MAPK10: variants seen among roughly 807,000 people sequenced by gnomAD.
The protein encoded by MAPK10 is JNK3 alpha protein kinase.
Under a neutral mutation model 59.3 loss-of-function variants are expected in MAPK10, and 25 were observed. That is an observed-to-expected ratio of 0.42 (90% CI 0.31 to 0.59). The LOEUF (loss-of-function observed/expected upper bound fraction) is 0.59, where lower values mean the gene tolerates loss of function less well. Among genes scored for constraint, MAPK10 ranks in the 20% least tolerant of loss-of-function variants. The probability of loss-of-function intolerance (pLI) is 0.15; values close to 1 mark genes in which losing one functional copy is unlikely to be tolerated. For synonymous variants in MAPK10, 190 were observed against 200.5 expected (o/e 0.95, Z 0.44); for missense variants, 351 against 568.9 (o/e 0.62, Z 3.90).
At chr4:86,097,391 T>C (rs545269482) in intron 9 of MAPK10, among the ~76,000 whole-genome samples, 266 of 152,124 alleles carry the variant, frequency 1.7e-3, no homozygotes, top group Non-Finnish European at 3.1e-3. Context: ...AGTCAGGTTT[T>C]TTTGTTTTTG....
chr4:86,186,884 T>C (rs2078362233), intron 3 of MAPK10, among the ~76,000 whole-genome samples: 1 of 152,200 alleles, frequency 6.6e-6, no homozygotes, highest in South Asian at 2.1e-4. Context: ...AGAAGTCAAC[T>C]CTTATCTAGT....
chr4:86,386,692 T>C (rs1474937966), intron 1 of MAPK10, among the ~76,000 whole-genome samples: 1 of 152,174 alleles, frequency 6.6e-6, no homozygotes, highest in Admixed American at 6.5e-5. Context: ...TCTCTGTAAA[T>C]GCTTAGCAAA....
At chr4:86,407,393 A>G (rs1744491477) in intron 1 of MAPK10, among the ~76,000 whole-genome samples, 1 of 152,200 alleles carries the variant, frequency 6.6e-6, no homozygotes, top group African/African-American at 2.4e-5. Flanking sequence ...GCATTTCTCC[A>G]TACTTACAGG....
chr4:86,490,385 T>C (rs1754366480), intron 1 of MAPK10, among the ~76,000 whole-genome samples: 1 of 152,348 alleles, frequency 6.6e-6, no homozygotes, highest in African/African-American at 2.4e-5. Context: ...GAGGGCATCC[T>C]GGTTGACTCT....
chr4:86,539,222 G>C (rs1171403729), intron 1 of MAPK10, among the ~76,000 whole-genome samples: 1 of 152,096 alleles, frequency 6.6e-6, no homozygotes, highest in African/African-American at 2.4e-5. Flanking sequence ...CTCCTACAGA[G>C]GAAGGAAGAG....
chr4:86,159,525 A>C, intron 3 of MAPK10, 58 bp from the exon 4 acceptor site: 2 of 1,416,784 alleles, frequency 1.4e-6, no homozygotes, highest in Non-Finnish European at 2.0e-6. Context: ...AATGATAATG[A>C]GATGTACAGA....
chr4:86,139,808 T>G (rs1448376711), intron 4 of MAPK10, among the ~76,000 whole-genome samples: 1 of 150,624 alleles, frequency 6.6e-6, no homozygotes, highest in Non-Finnish European at 1.5e-5. Flanking sequence ...ATATCCAGAA[T>G]CTACAATGAA....
intron 1 of MAPK10, among the ~76,000 whole-genome samples, chr4:86,412,324 C>T (rs535241562): frequency 1.3e-5 from 2 of 152,252 alleles, no homozygotes; most frequent in African/African-American, 4.8e-5. Flanking sequence ...TCTCTGGCTG[C>T]CCTTTACATT....
chr4:86,144,936 T>G (rs1359803595), intron 4 of MAPK10, among the ~76,000 whole-genome samples: 1 of 152,134 alleles, frequency 6.6e-6, no homozygotes, highest in Non-Finnish European at 1.5e-5. Flanking sequence ...TTGCACACTA[T>G]GGACACAGTA....
At chr4:86,261,933 T>C (rs987366757) in intron 2 of MAPK10, among the ~76,000 whole-genome samples, 1 of 152,256 alleles carries the variant, frequency 6.6e-6, no homozygotes, top group Non-Finnish European at 1.5e-5. Flanking sequence ...ATAACTGACA[T>C]TGCCCTGCTG....
intron 13 of MAPK10, among the ~76,000 whole-genome samples, chr4:86,022,367 T>C (rs961336940): frequency 2.0e-5 from 3 of 152,262 alleles, no homozygotes; most frequent in African/African-American, 4.8e-5. Flanking sequence ...TATTTTTTCA[T>C]GTGCTTGTCA....
chr4:86,391,004 G>A (rs552562797), intron 1 of MAPK10, among the ~76,000 whole-genome samples: 3 of 152,274 alleles, frequency 2.0e-5, no homozygotes, highest in Non-Finnish European at 4.4e-5. Context: ...TGCATTACCA[G>A]TGCAACCTTT....
Position 86,012,787 on chromosome 4 carries a change from G to A in MAPK10, c.*4441C>T, listed in dbSNP as rs1741747571. 6.6e-6 allele frequency: 1 copy of A among 152,198 alleles called. No individual in the cohort carries two copies. The allele number at this position is 152,198 out of a possible 1,614,324, so 9.4% of individuals were successfully genotyped here. On this transcript the variant is annotated 3_prime_UTR_variant, in exon 14 of 14. Coordinates refer to ENST00000641462, the MANE Select transcript of MAPK10 (RefSeq NM_138982.4). ...CTGCTCAGACCTTGCAAAGAAACTGGACGTACATGGTTTTGCCTTCCAGGG... is the reference window on the plus strand; with the variant it reads ...CTGCTCAGACCTTGCAAAGAAACTGAACGTACATGGTTTTGCCTTCCAGGG...
intron 11 of MAPK10, among the ~76,000 whole-genome samples, chr4:86,061,410 ATTTGAGC>A (rs1359458627): frequency 6.6e-6 from 1 of 152,204 alleles, no homozygotes; most frequent in African/African-American, 2.4e-5. Flanking sequence ...GTTGCTAATA[ATTTGAGC>A]AGTTATTTCA....
chr4:86,491,430 C>A (rs1754445442), intron 1 of MAPK10, among the ~76,000 whole-genome samples: 1 of 152,184 alleles, frequency 6.6e-6, no homozygotes, highest in Non-Finnish European at 1.5e-5. Flanking sequence ...ACCCTCATGA[C>A]CCCAACCCCA....
At chr4:86,159,126 A>G (rs2068740226) in intron 4 of MAPK10, 172 bp downstream of exon 4, 1 of 462,886 alleles carries the variant, frequency 2.2e-6, no homozygotes, top group East Asian at 3.5e-5. Flanking sequence ...TAGCAAGTGG[A>G]TAACAAATTA....
chr4:86,169,127 A>C (rs1327428931), intron 3 of MAPK10, among the ~76,000 whole-genome samples: 1 of 152,198 alleles, frequency 6.6e-6, no homozygotes, highest in Non-Finnish European at 1.5e-5. Context: ...AACAGAACAG[A>C]AAAACCGGAA....
chr4:86,050,859 G>C (rs1299147391), intron 11 of MAPK10, among the ~76,000 whole-genome samples: 1 of 152,058 alleles, frequency 6.6e-6, no homozygotes, highest in Non-Finnish European at 1.5e-5. Flanking sequence ...GTCACCAAAA[G>C]TTCTTTACGC....
chr4:86,407,362 C>T (rs181552279), intron 1 of MAPK10, among the ~76,000 whole-genome samples: 97 of 152,180 alleles, frequency 6.4e-4, no homozygotes, highest in Non-Finnish European at 1.2e-3. Flanking sequence ...ATGGAGGGTT[C>T]AGTCTCGAAT....
Sources: gnomAD v4.1 joint callset for allele counts (sites outside exome capture counted in the v4.1 genomes callset) on GRCh38, gnomAD v4.1.1 for gene constraint, MANE v1.5 for transcripts, NCBI Gene and HGNC (gene_info 2026-07-23, HGNC 2026-07-21) for gene names.